Variants in SLC5A5 observed in about 807,000 individuals in gnomAD.
SLC5A5 encodes solute carrier family 5 member 5, also known as sodium/iodide cotransporter.
A neutral mutation model predicts 68.6 loss-of-function variants in SLC5A5; 56 were observed. The ratio of observed to expected loss-of-function variants is 0.82; its 90% CI spans 0.66 to 1.02. The LOEUF (loss-of-function observed/expected upper bound fraction) is 1.02, where lower values mean the gene tolerates loss of function less well. SLC5A5 is among the 50% of genes least tolerant of loss of function. The pLI is 0.00. For missense variants in SLC5A5, 807 were observed against 859.8 expected (o/e 0.94, Z 0.77); for synonymous variants, 398 against 373.0 (o/e 1.07, Z -0.77).
In SLC5A5 at chr19:17,891,024, A is replaced by C. The variant is rs148626179; in HGVS notation, c.1767+23A>C. 5.1e-4 allele frequency: 758 copies of C among 1,495,662 alleles called. 4 individuals carry two copies. The East Asian group carries it at 0.011, about 22-fold the overall frequency. The allele number at this position is 1,495,662 out of a possible 1,614,324, so 92.6% of individuals were successfully genotyped here. A position where few individuals can be genotyped will look rare whatever the true frequency, so the allele number is the denominator to read the frequency against. ...AAGGTCAGTCTTAGGCTGGGTTCCCAGATCTAGAGGCAGCCAAGTGACTTT... is the reference window on the plus strand; with the variant it reads ...AAGGTCAGTCTTAGGCTGGGTTCCCCGATCTAGAGGCAGCCAAGTGACTTT... On this transcript the variant is annotated intron_variant, in intron 14 of 14. Coordinates refer to ENST00000222248, the MANE Select transcript of SLC5A5 (RefSeq NM_000453.3).
intron 14 of SLC5A5, 56 bp downstream of exon 14, chr19:17,891,057 G>C: frequency 9.3e-7 from 1 of 1,080,122 alleles, no homozygotes; most frequent in Non-Finnish European, 1.4e-6. Flanking sequence ...TTTAGGACGT[G>C]ACCACAGCTC....
At chr19:17,874,419 C>A (rs1257520738) in intron 2 of SLC5A5, 75 bp from the exon 3 acceptor site, 2 of 1,422,266 alleles carry the variant, frequency 1.4e-6, no homozygotes, top group Non-Finnish European at 2.0e-6. Context: ...CTGGGACCAC[C>A]CTTCTGCCTC....
chr19:17,874,351 A>T, intron 2 of SLC5A5, 143 bp from the exon 3 acceptor site: 2 of 667,846 alleles, frequency 3.0e-6, no homozygotes, highest in South Asian at 1.4e-5. Flanking sequence ...CCCACACCAC[A>T]GCCGGCCTGA....
At chr19:17,881,639 C>T (rs2094320908) in intron 8 of SLC5A5, among the ~76,000 whole-genome samples, 1 of 152,224 alleles carries the variant, frequency 6.6e-6, no homozygotes, top group Non-Finnish European at 1.5e-5. Context: ...TCCAAGGCCA[C>T]ACACTCAGGT....
chr19:17,877,099 C>T (rs2094309320), intron 5 of SLC5A5, among the ~76,000 whole-genome samples: 1 of 151,650 alleles, frequency 6.6e-6, no homozygotes, highest in Admixed American at 6.6e-5. Context: ...TCAGCCAATG[C>T]CTCCTGCTCC....
chr19:17,881,028 TG>T, intron 8 of SLC5A5, 75 bp downstream of exon 8: 1 of 1,098,796 alleles, frequency 9.1e-7, no homozygotes. Flanking sequence ...GCCATCCCTC[TG>T]GGGCATGGAA....
rs560855694 is a variant in SLC5A5 at position 17,872,556 on chromosome 19, G to A, written c.237G>A (p.Glu79=). 3.5e-5 allele frequency: 56 copies of A among 1,612,846 alleles called. No individual in the cohort carries two copies. The South Asian group carries it at 5.8e-4, about 17-fold the overall frequency. Residue 79 remains glutamate (E), a synonymous_variant, in exon 1 of 15, where the codon GAG becomes GAA. Coordinates refer to ENST00000222248, the MANE Select transcript of SLC5A5 (RefSeq NM_000453.3). The part of the protein sequence containing the change: ...SAVQVLGVPS[E]AYRYGLKFLW... ...TGCAGGTGCTGGGCGTGCCGTCGGA[G>A]GCCTATCGCTATGGCCTCAAGTTCC... is the stretch of plus-strand genomic sequence containing the variant.
At chr19:17,886,141 G>A (rs1240802461) in intron 12 of SLC5A5, among the ~76,000 whole-genome samples, 1 of 152,132 alleles carries the variant, frequency 6.6e-6, no homozygotes, top group Non-Finnish European at 1.5e-5. Flanking sequence ...GATTACAGCA[G>A]AGTACAGTGG....
rs1555755276 is a variant in SLC5A5, at chr19:17,892,695, A to AGAGC, written c.1768-1017_1768-1014dup. On this transcript the variant is annotated intron_variant, in intron 14 of 14. Coordinates refer to ENST00000222248, the MANE Select transcript of SLC5A5 (RefSeq NM_000453.3). Reference sequence around the variant, plus strand: ...GAGAGAGAGAGAGAGAGAGAGAGAGAGAGCAAGCTAAAAAGAAAAACGTGT... The same window carrying AGAGC: ...GAGAGAGAGAGAGAGAGAGAGAGAGAGAGCGAGCAAGCTAAAAAGAAAAACGTGT... Among the ~76,000 whole-genome samples the AGAGC allele has an allele frequency of 2.2e-3, 329 of 148,662 alleles. 8 individuals carry two copies. The East Asian group carries it at 0.038, about 17-fold the overall frequency.
chr19:17,872,474 G>A lies in SLC5A5; in HGVS notation c.155G>A (p.Arg52Gln). 6.2e-7 allele frequency: 1 copy of A among 1,611,260 alleles called. No individual in the cohort carries two copies. The change falls in exon 1 of 15, where the codon CGG (arginine) becomes CAG (glutamine). Residue 52 changes from arginine to glutamine, a missense_variant. Arg to Gln is a conservative substitution (Grantham distance 43). Coordinates refer to ENST00000222248, the MANE Select transcript of SLC5A5 (RefSeq NM_000453.3). Reference sequence around the variant, plus strand: ...GCTGAGGACTTCTTCACCGGGGGCCGGCGCCTGGCGGCCCTGCCCGTGGGC... The same window carrying A: ...GCTGAGGACTTCTTCACCGGGGGCCAGCGCCTGGCGGCCCTGCCCGTGGGC... ...RSAEDFFTGG[R>Q]RLAALPVGLS...
chr19:17,885,541 G>A (rs2094331236), intron 12 of SLC5A5, among the ~76,000 whole-genome samples: 1 of 150,746 alleles, frequency 6.6e-6, no homozygotes, highest in Admixed American at 6.6e-5. Flanking sequence ...ACCATGCTGG[G>A]CTAAATTTTT....
Position 17,883,783 on chromosome 19 carries a change from G to A in SLC5A5, c.1329+16G>A, listed in dbSNP as rs747004739. 2.6e-5 allele frequency: 20 copies of A among 760,622 alleles called. No individual in the cohort carries two copies. The highest frequency in any genetic ancestry group is 2.1e-4 in the South Asian group (16 of 74,576). The allele number at this position is 760,622 out of a possible 1,614,324, so 47.1% of individuals were successfully genotyped here. A position where few individuals can be genotyped will look rare whatever the true frequency, so the allele number is the denominator to read the frequency against. On this transcript the variant is annotated intron_variant, in intron 11 of 14. Coordinates refer to ENST00000222248, the MANE Select transcript of SLC5A5 (RefSeq NM_000453.3). ...CAACACACCGGTGAGTGGGGGCGGG[G>A]CAAGGGGCGGGGAGGGGCGGGGCCG... is the stretch of plus-strand genomic sequence containing the variant.
rs538646910 is a variant in SLC5A5, at chr19:17,877,966, C to T, written c.842C>T (p.Ala281Val). 5 of 1,613,600 alleles carry T rather than the reference C, an allele frequency of 3.1e-6. No individual in the cohort carries two copies. The South Asian group carries it at 5.5e-5, about 18-fold the overall frequency. Residue 281 changes from alanine (A) to valine (V), a missense_variant and splice_region_variant, in exon 7 of 15, where the codon GCC (alanine) becomes GTC (valine). Transcript: ENST00000222248. The part of the protein sequence containing the change: ...ACRTEKQAKL[A>V]LLINQVGLFL... ...CCTGAGGCTGCCTCTTCCCCCAGGG[C>T]CCTGCTCATCAACCAGGTCGGCCTG...
At chr19:17,874,023 G>A in intron 1 of SLC5A5, 115 bp from the exon 2 acceptor site, 1 of 746,114 alleles carries the variant, frequency 1.3e-6, no homozygotes, top group Non-Finnish European at 2.4e-6. Flanking sequence ...CAAGAATCTG[G>A]CGGGCGCGGT....
rs760177027 is a variant in SLC5A5 at position 17,878,045 on chromosome 19, C to A, written c.921C>A (p.Tyr307Ter). ...ACCGIVMFVF[Y>*]TDCDPLLLGR... The stretch of plus-strand genomic sequence containing the variant: ...GTGGCATCGTCATGTTTGTGTTCTA[C>A]ACTGACTGCGACCCTCTCCTCCTGG... The change falls in exon 7 of 15, where the codon TAC becomes TAA. Residue 307 changes from tyrosine (Y) to a stop codon, truncating the protein, a stop_gained. Coordinates refer to ENST00000222248, the MANE Select transcript of SLC5A5 (RefSeq NM_000453.3). LOFTEE classifies it high-confidence loss of function. The A allele has an allele frequency of 1.2e-6, 2 of 1,613,138 alleles. No homozygotes were observed. The highest frequency in any genetic ancestry group is 2.2e-5 in the East Asian group (1 of 44,890).
intron 12 of SLC5A5, among the ~76,000 whole-genome samples, chr19:17,884,252 G>A (rs1349657158): frequency 5.9e-5 from 9 of 152,156 alleles, no homozygotes; most frequent in Non-Finnish European, 1.2e-4. Flanking sequence ...TTAATGGGAG[G>A]AGAGATGGGT....
At chr19:17,878,349 A>G (rs1198542483) in intron 7 of SLC5A5, among the ~76,000 whole-genome samples, 1 of 152,018 alleles carries the variant, frequency 6.6e-6, no homozygotes, top group Non-Finnish European at 1.5e-5. Flanking sequence ...TACTAAAAAT[A>G]TAAAAATTAG....
chr19:17,891,068 AG>A (rs879627483), intron 14 of SLC5A5, 67 bp downstream of exon 14: 7 of 952,696 alleles, frequency 7.3e-6, no homozygotes, highest in Non-Finnish European at 1.2e-5. Context: ...ACCACAGCTC[AG>A]GGGAGGGACA....
At chr19:17,885,327 G>GTTTGTTTATTTA (rs1555754132) in intron 12 of SLC5A5, among the ~76,000 whole-genome samples, 1,883 of 151,406 alleles carry the variant, frequency 0.012, 43 homozygotes, top group African/African-American at 0.043. Context: ...TTTCTGTTTT[G>GTTTGTTTATTTA]TTTATTTATT....
Sources: allele counts gnomAD v4.1 joint callset (sites outside exome capture counted in the v4.1 genomes callset), GRCh38; gene constraint gnomAD v4.1.1; transcripts MANE v1.5; gene names NCBI Gene and HGNC (gene_info 2026-07-23, HGNC 2026-07-21).